The following SGCD variants were observed in gnomAD, a reference collection of about 807,000 sequenced individuals.
The protein encoded by SGCD is sarcoglycan delta.
In SGCD, 18 loss-of-function variants were observed where a neutral mutation model predicts 36.6. The ratio of observed to expected loss-of-function variants is 0.49; its 90% confidence interval spans 0.34 to 0.73. The LOEUF (loss-of-function observed/expected upper bound fraction) is 0.73. Among genes scored for constraint, SGCD ranks in the 30% least tolerant of loss-of-function variants. The pLI is 0.01. For missense variants in SGCD, 387 were observed against 346.7 expected (o/e 1.12, Z -0.92); for synonymous variants, 133 against 130.6 (o/e 1.02, Z -0.12).
the SGCD span, among the ~76,000 whole-genome samples, chr5:155,755,528 T>C: frequency 6.6e-6 from 1 of 152,240 alleles, no homozygotes; most frequent in African/African-American, 2.4e-5. Flanking sequence ...TTGTCATAGC[T>C]GAAGGTTTTC....
chr5:156,155,055 A>T (rs1427009300), intron 3 of SGCD, among the ~76,000 whole-genome samples: 4 of 151,690 alleles, frequency 2.6e-5, no homozygotes, highest in Non-Finnish European at 5.9e-5. Context: ...ATCATAGAAC[A>T]ATGAGAACAT....
At chr5:156,393,943 C>T in intron 3 of SGCD, 1 of 393,300 alleles carries the variant, frequency 2.5e-6, no homozygotes, top group South Asian at 1.8e-5. Context: ...AGACCTGATT[C>T]TTTCCCTGAA....
At chr5:155,778,757 T>C in the SGCD span, among the ~76,000 whole-genome samples, 43 of 152,210 alleles carry the variant, frequency 2.8e-4, no homozygotes, top group Non-Finnish European at 5.0e-4. Flanking sequence ...TAATTATTAC[T>C]TTTTTCTCCG....
At chr5:156,039,420 A>G (rs1016567020) in intron 1 of SGCD, among the ~76,000 whole-genome samples, 2 of 145,772 alleles carry the variant, frequency 1.4e-5, no homozygotes, top group African/African-American at 5.6e-5. Context: ...TCCATTGACA[A>G]GGAAAGGAGC....
At chr5:156,248,746 TAGTC>T (rs1765502581) in intron 3 of SGCD, among the ~76,000 whole-genome samples, 1 of 152,090 alleles carries the variant, frequency 6.6e-6, no homozygotes. Context: ...GTTGGGAAAA[TAGTC>T]AGGAGGCAAT....
chr5:156,405,582 C>T (rs762708334), intron 3 of SGCD, among the ~76,000 whole-genome samples: 12 of 152,148 alleles, frequency 7.9e-5, no homozygotes, highest in African/African-American at 2.9e-4. Context: ...TATCCCATTT[C>T]CCCATCTGTC....
At chr5:156,757,950 A>C in intron 8 of SGCD, 1 of 1,265,012 alleles carries the variant, frequency 7.9e-7, no homozygotes, top group Non-Finnish European at 1.0e-6. Context: ...GAATTATATG[A>C]CCATGAAAAT....
At chr5:156,265,421 T>C (rs1765972925) in intron 3 of SGCD, among the ~76,000 whole-genome samples, 1 of 152,046 alleles carries the variant, frequency 6.6e-6, no homozygotes, top group Non-Finnish European at 1.5e-5. Context: ...TTAAATGCAA[T>C]TGATCCTCAT....
chr5:155,884,205 A>T (rs1257225499), intron 1 of SGCD, among the ~76,000 whole-genome samples: 3 of 152,138 alleles, frequency 2.0e-5, no homozygotes, highest in Non-Finnish European at 4.4e-5. Context: ...CTTGTGCGAG[A>T]TGAGGGAGCT....
chr5:156,026,724 C>A (rs1208146200), intron 1 of SGCD, among the ~76,000 whole-genome samples: 2 of 152,080 alleles, frequency 1.3e-5, no homozygotes, highest in African/African-American at 4.8e-5. Context: ...GTCACGTTCC[C>A]CAGGTAATCC....
At chr5:156,755,571 C>G (rs919497503) in intron 7 of SGCD, among the ~76,000 whole-genome samples, 1 of 152,270 alleles carries the variant, frequency 6.6e-6, no homozygotes, top group South Asian at 2.1e-4. Flanking sequence ...TTTCTGTTGT[C>G]CTGCTACTGA....
intron 3 of SGCD, among the ~76,000 whole-genome samples, chr5:156,173,143 A>G (rs1456794104): frequency 6.6e-6 from 1 of 152,144 alleles, no homozygotes; most frequent in Non-Finnish European, 1.5e-5. Flanking sequence ...ATAATAATAA[A>G]GGTAGAGATT....
At chr5:156,264,585 T>G (rs750584887) in intron 3 of SGCD, among the ~76,000 whole-genome samples, 1 of 152,186 alleles carries the variant, frequency 6.6e-6, no homozygotes, top group Non-Finnish European at 1.5e-5. Context: ...TTTCCTTTTT[T>G]GGGTAAATTG....
chr5:156,141,276 A>T lies in SGCD; in HGVS notation c.-44+17257A>T, dbSNP rs1581124742. 2.0e-5 allele frequency among the ~76,000 whole-genome samples: 3 copies of T among 151,092 alleles called. No homozygotes were observed. The East Asian group carries it at 5.8e-4, about 29-fold the overall frequency. On this transcript the variant is annotated intron_variant, in intron 3 of 9. Coordinates refer to the SGCD transcript ENST00000517913. ...TAGGACGGTGCCTAACAAACACGAG[A>T]CCGGGTCACCACAGAGAGTCCCAGC...
At chr5:155,764,530 G>A in the SGCD span, among the ~76,000 whole-genome samples, 1 of 152,150 alleles carries the variant, frequency 6.6e-6, no homozygotes, top group Non-Finnish European at 1.5e-5. Flanking sequence ...CAGCTGTTCA[G>A]GAGGCACTTT....
chr5:156,275,986 C>T (rs59902037), intron 3 of SGCD, among the ~76,000 whole-genome samples: 5 of 152,042 alleles, frequency 3.3e-5, no homozygotes, highest in African/African-American at 7.3e-5. Flanking sequence ...GTGTCAGTTT[C>T]GGGTATTATG....
At chr5:156,481,878 G>C (rs895506045) in intron 3 of SGCD, among the ~76,000 whole-genome samples, 1 of 152,138 alleles carries the variant, frequency 6.6e-6, no homozygotes. Context: ...CTTTGAAGAG[G>C]TGCCAGCTTC....
intron 7 of SGCD, among the ~76,000 whole-genome samples, chr5:156,652,436 C>T (rs1334106028): frequency 6.6e-6 from 1 of 152,110 alleles, no homozygotes; most frequent in Non-Finnish European, 1.5e-5. Flanking sequence ...TTGCAGTTAG[C>T]TGTGATCACA....
chr5:156,375,537 C>A (rs934088619), intron 3 of SGCD, among the ~76,000 whole-genome samples: 4 of 151,872 alleles, frequency 2.6e-5, no homozygotes, highest in Non-Finnish European at 1.5e-5. Context: ...ATATTAATCT[C>A]CAGACTATAG....
Sources: allele counts gnomAD v4.1 joint callset (sites outside exome capture counted in the v4.1 genomes callset), GRCh38; gene constraint gnomAD v4.1.1; transcripts MANE v1.5; gene names NCBI Gene and HGNC (gene_info 2026-07-23, HGNC 2026-07-21).